The following ZFPM2 variants were observed in gnomAD, a reference collection of about 807,000 sequenced individuals.
ZFPM2 encodes zinc finger protein ZFPM2.
A neutral mutation model predicts 98.6 loss-of-function variants in ZFPM2; 20 were observed. That is an observed-to-expected ratio of 0.20 (90% CI 0.14 to 0.29). ZFPM2 has a LOEUF of 0.29. Among genes scored for constraint, ZFPM2 ranks in the 10% least tolerant of loss-of-function variants. The probability of loss-of-function intolerance (pLI) is 1.00; values close to 1 mark genes in which losing one functional copy is unlikely to be tolerated. For missense variants in ZFPM2, 1,310 were observed against 1,388.6 expected, an observed-to-expected ratio of 0.94 and a Z score of 0.90; for synonymous variants, 518 against 502.7, an observed-to-expected ratio of 1.03 and a Z score of -0.41.
Position 105,801,072 on chromosome 8 carries a change from C to G in ZFPM2, c.990C>G (p.Pro330=). Residue 330 remains proline (P), a synonymous_variant, in exon 8 of 8, where the codon CCC becomes CCG. Coordinates refer to ENST00000407775, the MANE Select transcript of ZFPM2 (RefSeq NM_012082.4). The part of the protein sequence containing the change: ...HSGVKMEEFL[P]PGASLKCTVC... ...GAGTGAAAATGGAAGAATTCCTGCC[C>G]CCTGGTGCTAGTCTAAAATGCACCG... 6.2e-7 allele frequency: 1 copy of G among 1,613,274 alleles called. No individual in the cohort carries two copies. The highest frequency in any genetic ancestry group is 2.2e-5 in the East Asian group (1 of 44,834).
At chr8:105,628,948 G>A (rs1816708634) in intron 4 of ZFPM2, among the ~76,000 whole-genome samples, 1 of 152,192 alleles carries the variant, frequency 6.6e-6, no homozygotes, top group Non-Finnish European at 1.5e-5. Context: ...CAGTTAAGCT[G>A]ACTGCGGACA....
At chr8:105,438,527 C>T (rs1270985056) in intron 2 of ZFPM2, among the ~76,000 whole-genome samples, 1 of 152,186 alleles carries the variant, frequency 6.6e-6, no homozygotes, top group Non-Finnish European at 1.5e-5. Context: ...TCCAGACACA[C>T]TCCTTTCTAT....
At chr8:105,649,786 T>C (rs1817129454) in intron 5 of ZFPM2, among the ~76,000 whole-genome samples, 1 of 152,158 alleles carries the variant, frequency 6.6e-6, no homozygotes, top group Admixed American at 6.5e-5. Flanking sequence ...AGTTTGCCAG[T>C]ATTTTATTGA....
chr8:105,649,083 AG>A (rs1375655398), intron 5 of ZFPM2, among the ~76,000 whole-genome samples: 3 of 152,082 alleles, frequency 2.0e-5, no homozygotes, highest in Admixed American at 6.6e-5. Context: ...CTCCTTGAAG[AG>A]GTCCTTCACA....
intron 2 of ZFPM2, among the ~76,000 whole-genome samples, chr8:105,437,221 G>A (rs1274322398): frequency 2.0e-5 from 3 of 152,160 alleles, no homozygotes; most frequent in Non-Finnish European, 4.4e-5. Flanking sequence ...GCTGTTAAAT[G>A]TGTATACTTA....
chr8:105,410,757 T>C (rs1265221754), intron 1 of ZFPM2, among the ~76,000 whole-genome samples: 1 of 151,968 alleles, frequency 6.6e-6, no homozygotes, highest in African/African-American at 2.4e-5. Flanking sequence ...TATAAAGTTA[T>C]AGATTTTGAT....
chr8:105,799,677 T>C (rs1413708470), intron 7 of ZFPM2, among the ~76,000 whole-genome samples: 1 of 152,218 alleles, frequency 6.6e-6, no homozygotes. Flanking sequence ...AAAATGAATT[T>C]ATTCAAATGT....
intron 2 of ZFPM2, among the ~76,000 whole-genome samples, chr8:105,443,331 A>AAAAAAAAAAAAAAC (rs1812303606): frequency 6.6e-6 from 1 of 151,136 alleles, no homozygotes; most frequent in African/African-American, 2.4e-5. Context: ...AAAAACAAAA[A>AAAAAAAAAAAAAAC]AAAAAAAACT....
chr8:105,670,898 T>G (rs1817582545), intron 5 of ZFPM2, among the ~76,000 whole-genome samples: 1 of 152,188 alleles, frequency 6.6e-6, no homozygotes, highest in Non-Finnish European at 1.5e-5. Flanking sequence ...GGCAGTAGAT[T>G]AGATTAATTG....
In ZFPM2 at chr8:105,803,694, C is replaced by G. The variant is rs1814118787; in HGVS notation, c.*156C>G. 1 of 704,150 alleles carries G rather than the reference C, an allele frequency of 1.4e-6. No homozygotes were observed. The highest frequency in any genetic ancestry group is 2.3e-6 in the Non-Finnish European group (1 of 431,182). The allele number at this position is 704,150 out of a possible 1,614,324, so 43.6% of individuals were successfully genotyped here. A position where few individuals can be genotyped will look rare whatever the true frequency, so the allele number is the denominator to read the frequency against. On this transcript the variant is annotated 3_prime_UTR_variant, in exon 8 of 8. Transcript: ENST00000407775. ...CTTAAGGTGTAATTTCATTACAGTC[C>G]ATTAGTAAAGTGTATTATTGGTGCC...
intron 5 of ZFPM2, among the ~76,000 whole-genome samples, chr8:105,648,230 C>T (rs575713768): frequency 2.6e-5 from 4 of 151,968 alleles, no homozygotes; most frequent in East Asian, 1.9e-4. Context: ...GGGTTGTTTG[C>T]TTTTTTCTTG....
In ZFPM2 at chr8:105,489,403, ATATT is replaced by A. The variant is rs1222687690; in HGVS notation, c.301+45026_301+45029del. Among the ~76,000 whole-genome samples the A allele has an allele frequency of 5.5e-5, 8 of 146,238 alleles. No homozygotes were observed. The South Asian group carries it at 8.4e-4, about 15-fold the overall frequency. ...ATATTTATAGATATATATTTTATATATATTTATAGATATATCTTTTATATATATT... is the reference window on the plus strand; with the variant it reads ...ATATTTATAGATATATATTTTATATATATAGATATATCTTTTATATATATT... On this transcript the variant is annotated intron_variant, in intron 3 of 7. Transcript: ENST00000407775.
intron 5 of ZFPM2, among the ~76,000 whole-genome samples, chr8:105,649,951 G>A (rs1278120131): frequency 1.3e-5 from 2 of 152,210 alleles, no homozygotes; most frequent in African/African-American, 4.8e-5. Flanking sequence ...GTTTCAGAAA[G>A]AATGGTACCA....
rs368932959 is a variant in ZFPM2, at chr8:105,647,712, C to A, written c.532+13355C>A. 4.6e-5 allele frequency among the ~76,000 whole-genome samples: 7 copies of A among 152,136 alleles called. No individual in the cohort carries two copies. The South Asian group carries it at 1.2e-3, about 27-fold the overall frequency. On this transcript the variant is annotated intron_variant, in intron 5 of 7. Coordinates refer to ENST00000407775, the MANE Select transcript of ZFPM2 (RefSeq NM_012082.4). ...TCCCCACAAAGGACATGAACTCATC[C>A]TTTTTTATGGCTGCATAGTATTCCA...
At chr8:105,677,497 T>G (rs1810498942) in intron 5 of ZFPM2, among the ~76,000 whole-genome samples, 1 of 152,094 alleles carries the variant, frequency 6.6e-6, no homozygotes. Context: ...ATTAAACAAT[T>G]CTCTTCAACA....
intron 3 of ZFPM2, among the ~76,000 whole-genome samples, chr8:105,496,039 G>A (rs1813460509): frequency 6.6e-6 from 1 of 152,174 alleles, no homozygotes. Context: ...TGGATACAAT[G>A]CTATTAACTA....
intron 2 of ZFPM2, among the ~76,000 whole-genome samples, chr8:105,431,759 C>CA (rs1417494794): frequency 6.6e-6 from 1 of 151,760 alleles, no homozygotes; most frequent in Non-Finnish European, 1.5e-5. Context: ...TAAAAAATAA[C>CA]AAACAGAAAA....
At chr8:105,356,475 G>T (rs987086344) in intron 1 of ZFPM2, among the ~76,000 whole-genome samples, 5 of 152,136 alleles carry the variant, frequency 3.3e-5, no homozygotes, top group Non-Finnish European at 7.4e-5. Flanking sequence ...CCCATTTATT[G>T]CTTTTTATTT....
At chr8:105,541,198 G>T (rs1814568552) in intron 3 of ZFPM2, among the ~76,000 whole-genome samples, 1 of 152,104 alleles carries the variant, frequency 6.6e-6, no homozygotes, top group Non-Finnish European at 1.5e-5. Context: ...TATTTTTTAA[G>T]TGCATGCTTT....
Sources: allele counts gnomAD v4.1 joint callset (sites outside exome capture counted in the v4.1 genomes callset), GRCh38; gene constraint gnomAD v4.1.1; transcripts MANE v1.5; gene names NCBI Gene and HGNC (gene_info 2026-07-23, HGNC 2026-07-21).